The following GALK1 variants were observed in gnomAD, a reference collection of about 807,000 sequenced individuals.
GALK1 encodes the protein galactokinase 1.
In GALK1, 30 loss-of-function variants were observed where a neutral mutation model predicts 38.6. The observed-to-expected ratio is 0.78, with a 90% CI of 0.58 to 1.05. GALK1 has a LOEUF of 1.05. GALK1 is among the 50% of genes least tolerant of loss of function. The pLI, the probability that GALK1 is intolerant of heterozygous loss-of-function variation, is 0.00. For synonymous variants in GALK1, 240 were observed against 233.6 expected, an observed-to-expected ratio of 1.03 and a Z score of -0.25; for missense variants, 512 against 540.5, an observed-to-expected ratio of 0.95 and a Z score of 0.52.
chr17:75,764,918 T>TCGGCGGCCGGGACAGG, intron 1 of GALK1, 54 bp downstream of exon 1: 1 of 1,571,268 alleles, frequency 6.4e-7, no homozygotes, highest in South Asian at 1.1e-5. Context: ...CCCGCCCTCC[T>TCGGCGGCCGGGACAGG]CGGCGGCCGG....
chr17:75,755,662 C>G, downstream of GALK1: 1 of 1,611,396 alleles, frequency 6.2e-7, no homozygotes, highest in Non-Finnish European at 8.5e-7. Context: ...GAGACCCTAG[C>G]CCCTGCATCT....
At chr17:75,760,648 C>T (rs553537676) in intron 5 of GALK1, among the ~76,000 whole-genome samples, 139 of 151,922 alleles carry the variant, frequency 9.1e-4, no homozygotes, top group Non-Finnish European at 1.8e-3. Context: ...TGGTGGCACA[C>T]GCCTGTAGTC....
chr17:75,758,739 C>G (rs778741953), intron 5 of GALK1, 140 bp from the exon 6 acceptor site: 2 of 1,022,466 alleles, frequency 2.0e-6, no homozygotes, highest in Non-Finnish European at 2.9e-6. Context: ...CAGCCTGGCT[C>G]TCTCAGACGT....
downstream of GALK1, chr17:75,753,781 C>T (rs1362627109): frequency 2.3e-5 from 33 of 1,452,510 alleles, no homozygotes; most frequent in Non-Finnish European, 2.9e-5. Context: ...GCTGGAAGTT[C>T]GAGCCCCTGC....
downstream of GALK1, chr17:75,753,653 C>T: frequency 1.5e-6 from 1 of 675,900 alleles, no homozygotes; most frequent in Non-Finnish European, 2.1e-6. Context: ...ACCCCGGGAT[C>T]CCGGGAGCTG....
chr17:75,756,873 CG>C (rs762080003), downstream of GALK1: 1 of 1,612,284 alleles, frequency 6.2e-7, no homozygotes, highest in Non-Finnish European at 8.5e-7. Flanking sequence ...CTGCCCACCC[CG>C]GGGGCAGGAG....
intron 5 of GALK1, among the ~76,000 whole-genome samples, chr17:75,760,196 T>A (rs1170924408): frequency 6.6e-6 from 1 of 152,000 alleles, no homozygotes; most frequent in Non-Finnish European, 1.5e-5. Context: ...TGGGCTCAAT[T>A]GATCCTCCCA....
At position 75,762,836 on chromosome 17, in the gene GALK1, G is replaced by A. The variant is rs780306197; in HGVS notation, c.661C>T (p.Leu221Phe). The A allele has an allele frequency of 5.6e-6, 9 of 1,613,706 alleles. No individual in the cohort carries two copies. The highest frequency in any genetic ancestry group is 4.4e-5 in the South Asian group (4 of 91,092). Residue 221 changes from leucine to phenylalanine, a missense_variant, in exon 5 of 8, where the codon CTC becomes TTC. Leu to Phe is a conservative substitution (Grantham distance 22). Transcript: ENST00000588479. ...VPLSDPKLAV[L>F]ITNSNVRHSL... is the part of the protein sequence containing the mutation. ...TGGCGGACATTAGAGTTGGTGATGA[G>A]CACGGCCAGCTTGGGGTCCGAGAGT...
At chr17:75,753,318 C>T (rs2061410785), downstream of GALK1, among the ~76,000 whole-genome samples, 1 of 152,186 alleles carries the variant, frequency 6.6e-6, no homozygotes, top group African/African-American at 2.4e-5. Flanking sequence ...CTCTGGAACC[C>T]CAGCTCAGCT....
At chr17:75,756,493 G>A (rs1168793612), downstream of GALK1, 1 of 1,613,160 alleles carries the variant, frequency 6.2e-7, no homozygotes. Context: ...AAGACCTCCT[G>A]CCCAACCACT....
At chr17:75,757,149 C>G (rs2061533078), downstream of GALK1, 1 of 1,612,640 alleles carries the variant, frequency 6.2e-7, no homozygotes, top group African/African-American at 1.3e-5. Context: ...CCTCCTCGGG[C>G]CGTGCCTCCT....
At chr17:75,757,192 C>G (rs955037534), downstream of GALK1, 1 of 1,612,276 alleles carries the variant, frequency 6.2e-7, no homozygotes, top group Non-Finnish European at 8.5e-7. Flanking sequence ...CCTATCTGCC[C>G]ACCCCAGGAC....
downstream of GALK1, chr17:75,756,399 C>T (rs12453552): frequency 1.9e-6 from 3 of 1,611,856 alleles, no homozygotes; most frequent in South Asian, 2.2e-5. Context: ...TAACACTGCA[C>T]TACTGTGTGC....
chr17:75,754,912 T>A (rs2061454380), downstream of GALK1: 1 of 1,574,728 alleles, frequency 6.4e-7, no homozygotes, highest in Non-Finnish European at 8.7e-7. Flanking sequence ...CACCGCCCAT[T>A]CTCCAACATA....
In GALK1 at chr17:75,757,942, C is replaced by T. The variant is rs1416766587; in HGVS notation, c.*114G>A. 65 of 1,228,292 alleles carry T rather than the reference C, an allele frequency of 5.3e-5. No individual in the cohort carries two copies. Among genetic ancestry groups the T allele is most frequent in the Non-Finnish European group, 7.0e-6 (6 of 855,248 alleles). The allele number at this position is 1,228,292 out of a possible 1,614,324, so 76.1% of individuals were successfully genotyped here. On this transcript the variant is annotated 3_prime_UTR_variant, in exon 8 of 8. Transcript: ENST00000588479. Reference sequence around the variant, plus strand: ...CCACCTCTAGAGGAGGCAGGTACCACATTGGAGGCACAAGTTTATTGAGCA... The same window carrying T: ...CCACCTCTAGAGGAGGCAGGTACCATATTGGAGGCACAAGTTTATTGAGCA...
At chr17:75,753,837 C>G, downstream of GALK1, 4 of 1,441,962 alleles carry the variant, frequency 2.8e-6, no homozygotes, top group Non-Finnish European at 2.7e-6. Context: ...CGGCTGCCCC[C>G]GGAGCTCATC....
chr17:75,760,897 C>T (rs2061584653), intron 5 of GALK1, among the ~76,000 whole-genome samples: 2 of 152,086 alleles, frequency 1.3e-5, no homozygotes, highest in African/African-American at 4.8e-5. Flanking sequence ...TAGCAGAACC[C>T]ATCTCTTTAA....
chr17:75,757,665 C>T, downstream of GALK1: 1 of 1,459,420 alleles, frequency 6.9e-7, no homozygotes, highest in Non-Finnish European at 9.6e-7. Context: ...AGCCCACCCG[C>T]ATGCACAGAG....
rs954797469 is a variant in GALK1 at position 75,762,344 on chromosome 17, G to A, written c.793+360C>T. ...AAAAAAAAGGGGGTGGGGGGGGAAA[G>A]TGATGATATATTACATATACTCAGC... On this transcript the variant is annotated intron_variant, in intron 5 of 7. Coordinates refer to ENST00000588479, the MANE Select transcript of GALK1 (RefSeq NM_000154.2). Among the ~76,000 whole-genome samples the A allele has an allele frequency of 9.9e-5, 15 of 152,116 alleles. No individual in the cohort carries two copies. The South Asian group carries it at 2.3e-3, about 23-fold the overall frequency.
Sources: allele counts gnomAD v4.1 joint callset (sites outside exome capture counted in the v4.1 genomes callset), GRCh38; gene constraint gnomAD v4.1.1; transcripts MANE v1.5; gene names NCBI Gene and HGNC (gene_info 2026-07-23, HGNC 2026-07-21).